The following SH3GL2 variants were observed in gnomAD, a reference collection of about 807,000 sequenced individuals.
SH3GL2 encodes the protein endophilin-A1.
A neutral mutation model predicts 46.0 loss-of-function variants in SH3GL2; 24 were observed. The observed-to-expected ratio is 0.52, with a 90% confidence interval of 0.38 to 0.73. The LOEUF is 0.73. Ranked by LOEUF, SH3GL2 falls within the 30% of genes least tolerant of loss-of-function variation. The probability of loss-of-function intolerance (pLI) is 0.00; values close to 1 mark genes in which losing one functional copy is unlikely to be tolerated. For missense variants in SH3GL2, 413 were observed against 424.2 expected (o/e 0.97, Z 0.23); for synonymous variants, 196 against 147.1 (o/e 1.33, Z -2.40).
intron 3 of SH3GL2, 95 bp from the exon 4 acceptor site, chr9:17,786,286 T>C: frequency 8.4e-7 from 1 of 1,184,318 alleles, no homozygotes; most frequent in South Asian, 1.5e-5. Flanking sequence ...GCTGAGCTAC[T>C]TTGTAGGCTG....
chr9:17,770,107 G>A (rs1823429499), intron 3 of SH3GL2, among the ~76,000 whole-genome samples: 1 of 152,194 alleles, frequency 6.6e-6, no homozygotes, highest in Non-Finnish European at 1.5e-5. Flanking sequence ...ATCAGTATCA[G>A]AGCTGTTCTC....
At chr9:17,738,497 T>A (rs1822408822) in intron 1 of SH3GL2, among the ~76,000 whole-genome samples, 1 of 147,978 alleles carries the variant, frequency 6.8e-6, no homozygotes, top group African/African-American at 2.5e-5. Flanking sequence ...CACACACATA[T>A]ACATACATAT....
At chr9:17,756,664 T>A (rs565201629) in intron 2 of SH3GL2, among the ~76,000 whole-genome samples, 1 of 152,128 alleles carries the variant, frequency 6.6e-6, no homozygotes, top group Non-Finnish European at 1.5e-5. Context: ...CTCATCATTT[T>A]TTATGGCTGC....
At chr9:17,604,450 GTTTGTTATTGC>G (rs1252450421) in intron 1 of SH3GL2, among the ~76,000 whole-genome samples, 6 of 152,176 alleles carry the variant, frequency 3.9e-5, no homozygotes, top group African/African-American at 1.4e-4. Context: ...AATCTTAGCC[GTTTGTTATTGC>G]TTTGTTATTG....
chr9:17,664,123 AC>A (rs1182013831), intron 1 of SH3GL2, among the ~76,000 whole-genome samples: 1 of 152,198 alleles, frequency 6.6e-6, no homozygotes, highest in East Asian at 1.9e-4. Flanking sequence ...TTAATTCAGT[AC>A]GCCTAAGTGA....
intron 1 of SH3GL2, among the ~76,000 whole-genome samples, chr9:17,723,048 C>T (rs1478513864): frequency 6.6e-6 from 1 of 152,086 alleles, no homozygotes; most frequent in Non-Finnish European, 1.5e-5. Context: ...AACACACTCA[C>T]AGTTTGTTTT....
intron 1 of SH3GL2, among the ~76,000 whole-genome samples, chr9:17,669,654 T>C (rs565985828): frequency 7.9e-5 from 12 of 152,322 alleles, no homozygotes; most frequent in African/African-American, 2.6e-4. Flanking sequence ...TATAATTGTT[T>C]AGTTTTTGAA....
intron 1 of SH3GL2, among the ~76,000 whole-genome samples, chr9:17,721,785 C>T (rs1355025703): frequency 1.3e-5 from 2 of 152,042 alleles, no homozygotes. Flanking sequence ...GCCTTCCCAG[C>T]CTCCGTAACA....
At chr9:17,673,033 C>T (rs1394856002) in intron 1 of SH3GL2, among the ~76,000 whole-genome samples, 1 of 152,118 alleles carries the variant, frequency 6.6e-6, no homozygotes, top group Non-Finnish European at 1.5e-5. Context: ...TGATTTCTTG[C>T]CCTGTTACCC....
intron 3 of SH3GL2, among the ~76,000 whole-genome samples, chr9:17,775,124 T>C (rs1396453645): frequency 7.0e-6 from 1 of 143,330 alleles, no homozygotes; most frequent in Non-Finnish European, 1.6e-5. Context: ...TCAGAATGAA[T>C]ATCCCCACTT....
At chr9:17,667,906 G>A (rs1307975745) in intron 1 of SH3GL2, among the ~76,000 whole-genome samples, 2 of 152,144 alleles carry the variant, frequency 1.3e-5, no homozygotes, top group Non-Finnish European at 2.9e-5. Flanking sequence ...TAAGACTAAG[G>A]ATGTTGAGCA....
intron 3 of SH3GL2, among the ~76,000 whole-genome samples, chr9:17,777,317 T>C (rs915644670): frequency 1.4e-4 from 22 of 151,968 alleles, no homozygotes; most frequent in Non-Finnish European, 2.9e-4. Flanking sequence ...CAGAAATCCA[T>C]GTGAAATGAA....
intron 1 of SH3GL2, among the ~76,000 whole-genome samples, chr9:17,672,690 A>G (rs1820503838): frequency 6.6e-6 from 1 of 152,156 alleles, no homozygotes; most frequent in Non-Finnish European, 1.5e-5. Flanking sequence ...TATAAAAGAT[A>G]CAGAGTAACA....
intron 3 of SH3GL2, among the ~76,000 whole-genome samples, chr9:17,777,973 G>A (rs1358338384): frequency 6.6e-6 from 1 of 151,506 alleles, no homozygotes; most frequent in Admixed American, 6.6e-5. Context: ...GATATTTATA[G>A]CCGAACCCAC....
intron 1 of SH3GL2, among the ~76,000 whole-genome samples, chr9:17,622,025 G>T (rs1172005616): frequency 6.6e-6 from 1 of 152,146 alleles, no homozygotes; most frequent in Non-Finnish European, 1.5e-5. Context: ...AGAGCCAGGA[G>T]ATCTGTCTTC....
intron 1 of SH3GL2, among the ~76,000 whole-genome samples, chr9:17,715,291 T>C (rs765462198): frequency 4.6e-5 from 7 of 151,562 alleles, no homozygotes; most frequent in Non-Finnish European, 8.9e-5. Flanking sequence ...TTTCCTTTGA[T>C]GTAATTTGCC....
chr9:17,667,812 A>G (rs1588219116), intron 1 of SH3GL2, among the ~76,000 whole-genome samples: 1 of 152,060 alleles, frequency 6.6e-6, no homozygotes, highest in East Asian at 1.9e-4. Context: ...CTCTACCAAT[A>G]CTTGCTGTTG....
chr9:17,793,414 C>T lies in SH3GL2; in HGVS notation c.776C>T (p.Pro259Leu). ...CCTAGAAGGGAATATCAACCTAAACCACGAATGAGCCTGGAGTTTCCAACT... is the reference window on the plus strand; with the variant it reads ...CCTAGAAGGGAATATCAACCTAAACTACGAATGAGCCTGGAGTTTCCAACT... ...SQPRREYQPKPRMSLEFPTGD... is the reference protein window; with the variant it reads ...SQPRREYQPKLRMSLEFPTGD... The change falls in exon 8 of 9, where the codon CCA becomes CTA. Residue 259 changes from proline (P) to leucine (L), a missense_variant. Pro to Leu is a moderately conservative substitution (Grantham distance 98). Coordinates refer to ENST00000380607, the MANE Select transcript of SH3GL2 (RefSeq NM_003026.5). The T allele has an allele frequency of 2.5e-6, 4 of 1,612,430 alleles. No homozygotes were observed. The highest frequency in any genetic ancestry group is 3.4e-6 in the Non-Finnish European group (4 of 1,179,162).
chr9:17,789,341 G>A, intron 5 of SH3GL2, 51 bp from the exon 6 acceptor site: 2 of 1,501,922 alleles, frequency 1.3e-6, no homozygotes, highest in South Asian at 1.2e-5. Context: ...GCTCAAATAA[G>A]CCTTTTCCAT....
Sources: gnomAD v4.1 joint callset for allele counts (sites outside exome capture counted in the v4.1 genomes callset) on GRCh38, gnomAD v4.1.1 for gene constraint, MANE v1.5 for transcripts, NCBI Gene and HGNC (gene_info 2026-07-23, HGNC 2026-07-21) for gene names.